Variants in HEXB observed in about 807,000 individuals in gnomAD.
The protein encoded by HEXB is beta-hexosaminidase subunit beta.
HEXB carries 51 observed loss-of-function variants against 71.2 expected under a neutral mutation model. The ratio of observed to expected loss-of-function variants is 0.72; its 90% CI spans 0.57 to 0.90. HEXB has a LOEUF of 0.90. Ranked by LOEUF, HEXB falls within the 40% of genes least tolerant of loss-of-function variation. HEXB has a pLI of 0.00. For synonymous variants in HEXB, 266 were observed against 249.3 expected (o/e 1.07, Z -0.63); for missense variants, 617 against 677.0 (o/e 0.91, Z 0.98).
intron 3 of HEXB, 42 bp from the exon 4 acceptor site, chr5:74,696,651 T>C (rs952283835): frequency 8.7e-6 from 9 of 1,032,008 alleles, no homozygotes; most frequent in Non-Finnish European, 1.4e-5. Flanking sequence ...CATCTCAATT[T>C]GTTGATTTAT....
chr5:74,686,251 C>T (rs148537280), intron 1 of HEXB, among the ~76,000 whole-genome samples: 3 of 152,290 alleles, frequency 2.0e-5, no homozygotes, highest in Non-Finnish European at 4.4e-5. Context: ...CCTTTGGCTG[C>T]AGACAGGGTG....
chr5:74,663,981 C>T (rs753682269), intron 1 of HEXB, among the ~76,000 whole-genome samples: 1 of 151,774 alleles, frequency 6.6e-6, no homozygotes, highest in African/African-American at 2.4e-5. Context: ...TTAGGCCAGG[C>T]GTGGTGGCAC....
chr5:74,720,232 C>A (rs745875146), intron 11 of HEXB, 196 bp from the exon 12 acceptor site: 99 of 599,434 alleles, frequency 1.7e-4, no homozygotes, highest in Non-Finnish European at 2.8e-4. Context: ...AAGTTTGCAA[C>A]CATTTTTTTG....
intron 5 of HEXB, among the ~76,000 whole-genome samples, chr5:74,699,565 A>T (rs551841725): frequency 7.7e-4 from 117 of 152,176 alleles, no homozygotes; most frequent in Middle Eastern, 3.4e-3. Flanking sequence ...GTGAGCCACC[A>T]CACCTGGCCT....
chr5:74,668,666 G>A (rs964749396), intron 1 of HEXB, among the ~76,000 whole-genome samples: 2 of 152,190 alleles, frequency 1.3e-5, no homozygotes, highest in Non-Finnish European at 2.9e-5. Flanking sequence ...TTAGCCCCCA[G>A]GGACCTCCTG....
At chr5:74,683,141 G>C (rs943808223), upstream of HEXB, among the ~76,000 whole-genome samples, 1 of 152,142 alleles carries the variant, frequency 6.6e-6, no homozygotes, top group East Asian at 1.9e-4. Flanking sequence ...CCAGGATACG[G>C]TGCAGGGCCA....
At chr5:74,678,086 C>T (rs1748668838) in intron 1 of HEXB, among the ~76,000 whole-genome samples, 1 of 152,118 alleles carries the variant, frequency 6.6e-6, no homozygotes, top group Non-Finnish European at 1.5e-5. Context: ...CACCTGAGGT[C>T]AGGAGTTCGA....
chr5:74,670,477 C>T (rs1434769570), intron 1 of HEXB, among the ~76,000 whole-genome samples: 1 of 152,196 alleles, frequency 6.6e-6, no homozygotes, highest in African/African-American at 2.4e-5. Flanking sequence ...GAACCCAAGA[C>T]CCACCAAATG....
rs560161640 is a variant in HEXB, at chr5:74,671,499, T to C, written c.-376-17829T>C. Among the ~76,000 whole-genome samples, 28 of 151,734 alleles carry C rather than the reference T, an allele frequency of 1.8e-4. 1 individual carries two copies. The South Asian group carries it at 4.6e-3, about 25-fold the overall frequency. ...GTAGTGACAGAAAGCAGATCAGTACTTGTCTGGATGGAAGGTAGGGCCAGG... is the reference window on the plus strand; with the variant it reads ...GTAGTGACAGAAAGCAGATCAGTACCTGTCTGGATGGAAGGTAGGGCCAGG... On this transcript the variant is annotated intron_variant, in intron 1 of 13. Coordinates refer to the HEXB transcript ENST00000511181.
chr5:74,701,520 A>G (rs1187285364), intron 5 of HEXB, among the ~76,000 whole-genome samples: 2 of 152,150 alleles, frequency 1.3e-5, no homozygotes, highest in Non-Finnish European at 2.9e-5. Flanking sequence ...AAATTCCAAT[A>G]AATATGGAAG....
At chr5:74,672,133 C>G (rs951732478) in intron 1 of HEXB, among the ~76,000 whole-genome samples, 8 of 152,190 alleles carry the variant, frequency 5.3e-5, no homozygotes, top group African/African-American at 1.9e-4. Context: ...CCTGACCCCT[C>G]TCTAGCGTCA....
chr5:74,673,350 G>A (rs1403434648), intron 1 of HEXB, among the ~76,000 whole-genome samples: 1 of 152,164 alleles, frequency 6.6e-6, no homozygotes, highest in Non-Finnish European at 1.5e-5. Flanking sequence ...GTTGCTTATG[G>A]ATATGTCATG....
intron 5 of HEXB, among the ~76,000 whole-genome samples, chr5:74,699,441 AT>A (rs1381765808): frequency 2.0e-5 from 3 of 151,312 alleles, no homozygotes; most frequent in Non-Finnish European, 4.4e-5. Context: ...CACCTGGCTA[AT>A]TTTTGTATTT....
intron 6 of HEXB, among the ~76,000 whole-genome samples, chr5:74,709,712 A>C (rs1561224128): frequency 6.6e-6 from 1 of 152,248 alleles, no homozygotes; most frequent in African/African-American, 2.4e-5. Context: ...ATTCCTCCAC[A>C]CATATACTCT....
intron 1 of HEXB, among the ~76,000 whole-genome samples, chr5:74,688,965 A>G (rs1461538927): frequency 6.6e-6 from 1 of 152,110 alleles, no homozygotes; most frequent in Non-Finnish European, 1.5e-5. Flanking sequence ...AACTCCCCCT[A>G]ACCCCCACAT....
chr5:74,649,013 AG>A (rs1336072806), intron 1 of HEXB, among the ~76,000 whole-genome samples: 1 of 152,196 alleles, frequency 6.6e-6, no homozygotes, highest in East Asian at 1.9e-4. Flanking sequence ...CAATTATAGA[AG>A]GGTCTGAAGA....
chr5:74,696,514 T>C (rs1470492572), intron 3 of HEXB, among the ~76,000 whole-genome samples, 179 bp from the exon 4 acceptor site: 1 of 152,194 alleles, frequency 6.6e-6, no homozygotes, highest in Non-Finnish European at 1.5e-5. Context: ...AATTTGGCTT[T>C]GATTTTAGAA....
chr5:74,702,654 A>G (rs754959719), intron 5 of HEXB, among the ~76,000 whole-genome samples: 4 of 152,208 alleles, frequency 2.6e-5, no homozygotes, highest in Non-Finnish European at 5.9e-5. Context: ...GTACTTAACA[A>G]GTAATTAAGT....
At chr5:74,683,184 G>C (rs557204966), upstream of HEXB, among the ~76,000 whole-genome samples, 2 of 152,334 alleles carry the variant, frequency 1.3e-5, no homozygotes, top group African/African-American at 4.8e-5. Flanking sequence ...GCCACTATCA[G>C]ACAAGGTAGG....
Sources: allele counts gnomAD v4.1 joint callset (sites outside exome capture counted in the v4.1 genomes callset), GRCh38; gene constraint gnomAD v4.1.1; transcripts MANE v1.5; gene names NCBI Gene and HGNC (gene_info 2026-07-23, HGNC 2026-07-21).